OLFM3: variants seen among roughly 807,000 people sequenced by gnomAD.
OLFM3 encodes the protein noelin-3.
A neutral mutation model predicts 48.6 loss-of-function variants in OLFM3; 20 were observed. The ratio of observed to expected loss-of-function variants is 0.41; its 90% CI spans 0.29 to 0.60. The LOEUF is 0.60. OLFM3 is among the 20% of genes least tolerant of loss of function. The probability of loss-of-function intolerance (pLI) is 0.28; values close to 1 mark genes in which losing one functional copy is unlikely to be tolerated. For missense variants in OLFM3, 437 were observed against 544.3 expected, an observed-to-expected ratio of 0.80 and a Z score of 1.96; for synonymous variants, 222 against 198.1, an observed-to-expected ratio of 1.12 and a Z score of -1.01.
intron 1 of OLFM3, among the ~76,000 whole-genome samples, chr1:101,911,819 T>C (rs1290686701): frequency 1.3e-5 from 2 of 152,216 alleles, no homozygotes; most frequent in Non-Finnish European, 1.5e-5. Flanking sequence ...GGCATTTATA[T>C]GAGTCTTCAC....
intron 1 of OLFM3, among the ~76,000 whole-genome samples, chr1:101,884,408 A>C (rs1325393758): frequency 6.6e-6 from 1 of 151,962 alleles, no homozygotes; most frequent in Non-Finnish European, 1.5e-5. Context: ...GGCACCATTA[A>C]GAAAATTGTT....
At chr1:101,895,596 A>T (rs1167832483) in intron 1 of OLFM3, among the ~76,000 whole-genome samples, 3 of 152,016 alleles carry the variant, frequency 2.0e-5, no homozygotes, top group Non-Finnish European at 2.9e-5. Context: ...TATTTAACCC[A>T]TTTTTGGACC....
At chr1:101,808,627 C>A (rs1335516872) in intron 4 of OLFM3, among the ~76,000 whole-genome samples, 1 of 151,652 alleles carries the variant, frequency 6.6e-6, no homozygotes, top group Non-Finnish European at 1.5e-5. Flanking sequence ...TCTGAGTATA[C>A]CTAGGGTGAT....
intron 1 of OLFM3, among the ~76,000 whole-genome samples, chr1:101,944,770 C>T (rs1358647001): frequency 6.6e-6 from 1 of 151,936 alleles, no homozygotes; most frequent in African/African-American, 2.4e-5. Context: ...ATCCCAGCTA[C>T]TCAGGAGGCT....
intron 1 of OLFM3, among the ~76,000 whole-genome samples, chr1:101,935,241 GAA>G (rs922066667): frequency 1.4e-5 from 2 of 138,572 alleles, no homozygotes; most frequent in East Asian, 4.2e-4. Context: ...GACTAATGAA[GAA>G]AAAAAAAGAA....
At chr1:101,877,409 T>C (rs1179545857) in intron 1 of OLFM3, among the ~76,000 whole-genome samples, 1 of 151,986 alleles carries the variant, frequency 6.6e-6, no homozygotes, top group Non-Finnish European at 1.5e-5. Flanking sequence ...ATCCAGAACA[T>C]GAATTTCATT....
intron 1 of OLFM3, among the ~76,000 whole-genome samples, chr1:101,930,567 C>G (rs940592612): frequency 2.0e-5 from 3 of 152,058 alleles, no homozygotes; most frequent in Admixed American, 1.3e-4. Context: ...GAAGTATGTA[C>G]TGATTGTTAA....
chr1:101,876,052 T>G (rs2100983175), intron 1 of OLFM3, among the ~76,000 whole-genome samples: 1 of 152,132 alleles, frequency 6.6e-6, no homozygotes, highest in South Asian at 2.1e-4. Context: ...GTACTTCAGA[T>G]TAAAGAATTT....
chr1:101,856,405 A>T lies in OLFM3; in HGVS notation c.70-19380T>A, dbSNP rs1263387373. On this transcript the variant is annotated intron_variant, in intron 1 of 5. Coordinates refer to ENST00000370103, the MANE Select transcript of OLFM3 (RefSeq NM_058170.4). ...CTTTTTGGCTTCAATGCAATTAAAC[A>T]CTTTTAACCTTATAAAAACTGTTTC... Among the ~76,000 whole-genome samples the T allele has an allele frequency of 2.0e-5, 3 of 152,102 alleles. No individual in the cohort carries two copies. The East Asian group carries it at 5.8e-4, about 29-fold the overall frequency.
At chr1:101,922,364 C>T (rs1337618091) in intron 1 of OLFM3, among the ~76,000 whole-genome samples, 3 of 152,166 alleles carry the variant, frequency 2.0e-5, no homozygotes, top group African/African-American at 7.2e-5. Flanking sequence ...CAAGACTCAT[C>T]TGACTCCAAC....
At chr1:101,916,850 T>C (rs1658944524) in intron 1 of OLFM3, among the ~76,000 whole-genome samples, 2 of 152,154 alleles carry the variant, frequency 1.3e-5, no homozygotes. Flanking sequence ...GATAGACGTA[T>C]GAGCGAATTA....
At chr1:101,947,919 C>T (rs112750862) in intron 1 of OLFM3, among the ~76,000 whole-genome samples, 209 of 152,206 alleles carry the variant, frequency 1.4e-3, no homozygotes, top group African/African-American at 4.7e-3. Flanking sequence ...GTAAGAGCTC[C>T]ATGTTGTCAA....
intron 1 of OLFM3, among the ~76,000 whole-genome samples, chr1:101,842,092 T>C (rs1655748994): frequency 6.6e-6 from 1 of 152,336 alleles, no homozygotes; most frequent in East Asian, 1.9e-4. Context: ...TGTCACTGCA[T>C]AGCTGTTTTC....
chr1:101,909,364 C>T (rs1281887187), intron 1 of OLFM3, among the ~76,000 whole-genome samples: 2 of 152,178 alleles, frequency 1.3e-5, no homozygotes, highest in Admixed American at 6.5e-5. Flanking sequence ...CTATAAATAA[C>T]ATTTTTTGTA....
In OLFM3 at chr1:101,956,305, C is replaced by T. The variant is rs75786901; in HGVS notation, c.69+40443G>A. Among the ~76,000 whole-genome samples the T allele has an allele frequency of 2.0e-4, 30 of 151,770 alleles. 1 individual carries two copies. The East Asian group carries it at 5.6e-3, about 28-fold the overall frequency. ...CACATAAAGGCCTTTATAATATGTC[C>T]TGATCTACTGAGTTAGTCCAGTCTC... On this transcript the variant is annotated intron_variant, in intron 1 of 5. Transcript: ENST00000370103.
At chr1:101,984,357 A>G (rs993252700) in intron 1 of OLFM3, among the ~76,000 whole-genome samples, 12 of 152,174 alleles carry the variant, frequency 7.9e-5, no homozygotes, top group African/African-American at 2.9e-4. Flanking sequence ...TCAACCAGGG[A>G]AAACCTAAAC....
At chr1:101,896,264 T>C (rs1355292916) in intron 1 of OLFM3, among the ~76,000 whole-genome samples, 1 of 151,980 alleles carries the variant, frequency 6.6e-6, no homozygotes, top group Admixed American at 6.6e-5. Context: ...AATTTTCAGT[T>C]GCTATTGATT....
At chr1:101,944,325 A>G (rs1659889831) in intron 1 of OLFM3, among the ~76,000 whole-genome samples, 2 of 152,186 alleles carry the variant, frequency 1.3e-5, no homozygotes, top group African/African-American at 4.8e-5. Flanking sequence ...CAAGAATTGC[A>G]TATGACTTCA....
At chr1:101,988,458 C>T (rs1215970835) in intron 1 of OLFM3, among the ~76,000 whole-genome samples, 2 of 152,144 alleles carry the variant, frequency 1.3e-5, no homozygotes, top group African/African-American at 2.4e-5. Context: ...TGATTTTTGG[C>T]GTAAGTCAAG....
Sources: allele counts gnomAD v4.1 joint callset (sites outside exome capture counted in the v4.1 genomes callset), GRCh38; gene constraint gnomAD v4.1.1; transcripts MANE v1.5; gene names NCBI Gene and HGNC (gene_info 2026-07-23, HGNC 2026-07-21).